The following EMSY variants were observed in gnomAD, a reference collection of about 807,000 sequenced individuals.
EMSY encodes the protein EMSY transcriptional repressor, BRCA2 interacting, also known as BRCA2-interacting transcriptional repressor EMSY.
Under a neutral mutation model 134.6 loss-of-function variants are expected in EMSY, and 26 were observed. The observed-to-expected ratio is 0.19, with a 90% CI of 0.14 to 0.27. The LOEUF is 0.27. Ranked by LOEUF, EMSY falls within the 10% of genes least tolerant of loss-of-function variation. The probability of loss-of-function intolerance (pLI) is 1.00; values close to 1 mark genes in which losing one functional copy is unlikely to be tolerated. For missense variants in EMSY, 1,305 were observed against 1,611.4 expected (o/e 0.81, Z 3.26); for synonymous variants, 579 against 577.8 (o/e 1.00, Z -0.03).
intron 7 of EMSY, among the ~76,000 whole-genome samples, chr11:76,470,550 T>G (rs1400037031): frequency 6.6e-6 from 1 of 152,164 alleles, no homozygotes. Context: ...ATAATCTGAC[T>G]TTGATCACTT....
chr11:76,458,063 C>T, intron 4 of EMSY, 120 bp from the exon 6 acceptor site: 1 of 769,456 alleles, frequency 1.3e-6, no homozygotes, highest in Admixed American at 3.6e-5. Context: ...AAAATAAAGC[C>T]TCTCCTATTC....
intron 14 of EMSY, among the ~76,000 whole-genome samples, chr11:76,535,266 T>G (rs909388977): frequency 1.6e-4 from 24 of 152,160 alleles, no homozygotes; most frequent in African/African-American, 5.8e-4. Context: ...TTGATGTAGT[T>G]GGGGCTATAA....
chr11:76,513,934 A>C (rs961421421), intron 10 of EMSY, among the ~76,000 whole-genome samples: 1 of 152,098 alleles, frequency 6.6e-6, no homozygotes, highest in African/African-American at 2.4e-5. Flanking sequence ...CCCAACCCAC[A>C]AGGATTTCAC....
intron 14 of EMSY, among the ~76,000 whole-genome samples, chr11:76,533,027 TG>T (rs1951099490): frequency 6.6e-6 from 1 of 152,154 alleles, no homozygotes. Flanking sequence ...CAGAACATCT[TG>T]AGGAACAAAT....
chr11:76,510,605 A>C (rs1046276510), intron 9 of EMSY, among the ~76,000 whole-genome samples: 1 of 152,312 alleles, frequency 6.6e-6, no homozygotes, highest in African/African-American at 2.4e-5. Flanking sequence ...GGCAAGGGCT[A>C]TCAGTACTTC....
At chr11:76,522,727 C>T (rs868369630) in intron 11 of EMSY, among the ~76,000 whole-genome samples, 1 of 152,064 alleles carries the variant, frequency 6.6e-6, no homozygotes. Context: ...TTTCTAGAGC[C>T]TAGTGTTATG....
intron 4 of EMSY, among the ~76,000 whole-genome samples, chr11:76,456,755 C>T (rs1243231135): frequency 2.0e-5 from 3 of 152,122 alleles, no homozygotes; most frequent in African/African-American, 7.2e-5. Flanking sequence ...CACAGTAACC[C>T]AGCTGGATTC....
At chr11:76,504,150 T>C (rs1174767742) in intron 9 of EMSY, among the ~76,000 whole-genome samples, 1 of 152,032 alleles carries the variant, frequency 6.6e-6, no homozygotes, top group Non-Finnish European at 1.5e-5. Flanking sequence ...TGGGAAATAA[T>C]ACTTGCAAAT....
At chr11:76,545,797 G>C (rs2136806791) in exon 20 of EMSY, 1 of 1,596,482 alleles carries the variant, frequency 6.3e-7, no homozygotes, top group Non-Finnish European at 8.5e-7. Flanking sequence ...TTATTTTCAG[G>C]TGGAGCAGCC....
At chr11:76,502,531 A>T (rs538654842) in intron 9 of EMSY, among the ~76,000 whole-genome samples, 393 of 147,990 alleles carry the variant, frequency 2.7e-3, no homozygotes, top group African/African-American at 9.2e-3. Flanking sequence ...TTATATTATT[A>T]AAAAAAAACA....
At chr11:76,542,612 A>G (rs1951481183) in intron 18 of EMSY, among the ~76,000 whole-genome samples, 1 of 152,230 alleles carries the variant, frequency 6.6e-6, no homozygotes, top group African/African-American at 2.4e-5. Context: ...GATGAATCTA[A>G]TGACATCAGA....
At chr11:76,484,095 T>G (rs1245156257) in intron 8 of EMSY, among the ~76,000 whole-genome samples, 2 of 152,192 alleles carry the variant, frequency 1.3e-5, no homozygotes, top group East Asian at 3.8e-4. Flanking sequence ...ATTAAGAAAC[T>G]CACTCAAACC....
chr11:76,501,450 A>G (rs1029106458), intron 9 of EMSY, among the ~76,000 whole-genome samples: 9 of 152,220 alleles, frequency 5.9e-5, no homozygotes, highest in Non-Finnish European at 1.0e-4. Context: ...GGCTATGAGG[A>G]CAATATTACA....
At chr11:76,484,697 C>G (rs1164420196) in intron 8 of EMSY, among the ~76,000 whole-genome samples, 3 of 152,192 alleles carry the variant, frequency 2.0e-5, no homozygotes, top group African/African-American at 7.2e-5. Context: ...CTTTGGGAGG[C>G]CAAGGCAGGC....
At chr11:76,480,766 G>A (rs1948944693) in intron 8 of EMSY, among the ~76,000 whole-genome samples, 1 of 152,188 alleles carries the variant, frequency 6.6e-6, no homozygotes, top group Admixed American at 6.5e-5. Context: ...CCCATGGAGG[G>A]TGAGCCAAAG....
intron 8 of EMSY, among the ~76,000 whole-genome samples, chr11:76,488,549 T>G (rs1440276175): frequency 6.6e-6 from 1 of 152,136 alleles, no homozygotes; most frequent in Non-Finnish European, 1.5e-5. Context: ...TTTTTTTTAT[T>G]TTTTAGCTGG....
At chr11:76,533,022 C>T (rs1951099009) in intron 14 of EMSY, among the ~76,000 whole-genome samples, 1 of 151,948 alleles carries the variant, frequency 6.6e-6, no homozygotes, top group Admixed American at 6.5e-5. Flanking sequence ...TTTTGCAGAA[C>T]ATCTTGAGGA....
At chr11:76,532,493 A>G (rs1006888057) in intron 14 of EMSY, among the ~76,000 whole-genome samples, 1 of 152,042 alleles carries the variant, frequency 6.6e-6, no homozygotes, top group Non-Finnish European at 1.5e-5. Context: ...GTCACTTACT[A>G]AAGATCAGGT....
At chr11:76,541,631 G>A (rs1591019501) in intron 17 of EMSY, among the ~76,000 whole-genome samples, 4 of 152,298 alleles carry the variant, frequency 2.6e-5, no homozygotes, top group East Asian at 1.9e-4. Context: ...GGATCCAAGC[G>A]TGATTCTTGA....
Sources: allele counts gnomAD v4.1 joint callset (sites outside exome capture counted in the v4.1 genomes callset), GRCh38; gene constraint gnomAD v4.1.1; transcripts MANE v1.5; gene names NCBI Gene and HGNC (gene_info 2026-07-23, HGNC 2026-07-21).